PRSS54: variants seen among roughly 807,000 people sequenced by gnomAD.
The protein encoded by PRSS54 is serine protease 54.
Under a neutral mutation model 19.9 loss-of-function variants are expected in PRSS54, and 16 were observed. The ratio of observed to expected loss-of-function variants is 0.80; its 90% CI spans 0.54 to 1.22. The LOEUF (loss-of-function observed/expected upper bound fraction) is 1.22. Among genes scored for constraint, PRSS54 ranks in the 50% most tolerant of loss-of-function variants. The probability of loss-of-function intolerance (pLI) is 0.00; values close to 1 mark genes in which losing one functional copy is unlikely to be tolerated. For synonymous variants in PRSS54, 177 were observed against 195.8 expected (o/e 0.90, Z 0.80); for missense variants, 444 against 494.8 (o/e 0.90, Z 0.97).
At chr16:58,280,834 G>C (rs1404393570) in intron 6 of PRSS54, 77 bp from the exon 7 acceptor site, 1 of 1,352,598 alleles carries the variant, frequency 7.4e-7, no homozygotes, top group South Asian at 1.5e-5. Flanking sequence ...GCAATATACT[G>C]TTTGTTCTAG....
At chr16:58,290,819 C>A in intron 4 of PRSS54, 140 bp downstream of exon 4, 1 of 905,870 alleles carries the variant, frequency 1.1e-6, no homozygotes, top group Non-Finnish European at 1.6e-6. Flanking sequence ...GGGCTCACGA[C>A]AGAGCAAGCG....
chr16:58,292,343 A>AGTGAT (rs2142654351), intron 3 of PRSS54, among the ~76,000 whole-genome samples: 1 of 152,200 alleles, frequency 6.6e-6, no homozygotes, highest in East Asian at 1.9e-4. Flanking sequence ...CATGCTGAAG[A>AGTGAT]GTGATGGCCA....
intron 5 of PRSS54, among the ~76,000 whole-genome samples, 187 bp from the exon 6 acceptor site, chr16:58,284,908 G>A (rs1354216297): frequency 3.3e-5 from 5 of 151,506 alleles, no homozygotes; most frequent in Admixed American, 2.0e-4. Flanking sequence ...TCTGCCTTTC[G>A]GGTTCAAGCA....
chr16:58,284,844 T>A, intron 5 of PRSS54, 123 bp from the exon 6 acceptor site: 1 of 1,063,616 alleles, frequency 9.4e-7, no homozygotes, highest in Non-Finnish European at 1.3e-6. Context: ...AGTTGGAGTC[T>A]TGTTCTGTCA....
intron 1 of PRSS54, 137 bp from the exon 2 acceptor site, chr16:58,294,346 T>TTTTTA (rs769018989): frequency 1.9e-5 from 3 of 154,818 alleles, no homozygotes; most frequent in East Asian, 3.8e-4. Flanking sequence ...GTTTTTTTGT[T>TTTTTA]TTTTATTTTA....
chr16:58,289,800 C>T (rs1018358497), intron 4 of PRSS54, among the ~76,000 whole-genome samples: 1 of 151,980 alleles, frequency 6.6e-6, no homozygotes, highest in African/African-American at 2.4e-5. Flanking sequence ...CTCACGAGAA[C>T]TCCTGACCTC....
chr16:58,281,508 G>A lies in PRSS54; in HGVS notation c.655-751C>T, dbSNP rs117540929. 906 of 152,468 alleles carry A rather than the reference G, an allele frequency of 5.9e-3. 12 individuals are homozygous for A. The highest frequency in any genetic ancestry group is 0.056 in the East Asian group (292 of 5,184). 9.4% of individuals were successfully genotyped at this position (152,468 alleles called of 1,614,324 possible). On this transcript the variant is annotated intron_variant, in intron 6 of 6. Transcript: ENST00000567164. ...TGGGGAAAATGGGAAAAGCAACAAG[G>A]CAACTAGTAGGTATCACTTACCTTA...
chr16:58,293,797 A>G lies in PRSS54; in HGVS notation c.20T>C (p.Leu7Pro), dbSNP rs781139369. 5.3e-5 allele frequency: 85 copies of G among 1,612,776 alleles called. No individual in the cohort carries two copies. The highest frequency in any genetic ancestry group is 7.0e-5 in the Non-Finnish European group (82 of 1,179,574). Residue 7 changes from leucine (L) to proline (P), a missense_variant, in exon 3 of 7, where the codon CTC becomes CCC. Coordinates refer to ENST00000567164, the MANE Select transcript of PRSS54 (RefSeq NM_001305173.2). MVSAAG[L>P]SGDGKMRGVL... Reference sequence around the variant, plus strand: ...CCCTCGCATCTTGCCATCCCCAGAGAGACCCGCCGCGGACACCATGGGCAG... The same window carrying G: ...CCCTCGCATCTTGCCATCCCCAGAGGGACCCGCCGCGGACACCATGGGCAG...
In PRSS54 at chr16:58,286,091, T is replaced by C. The variant is rs746066063; in HGVS notation, c.368A>G (p.Asn123Ser). Residue 123 changes from asparagine (N) to serine (S), a missense_variant, in exon 5 of 7, where the codon AAC becomes AGC. Physicochemically the swap from Asn to Ser is conservative, Grantham distance 46. Transcript: ENST00000567164. ...GGCTATGTTGTTGCTCATGGAGTTGTTATCAAAGTCCTCATGGATGATGAT... is the reference window on the plus strand; with the variant it reads ...GGCTATGTTGTTGCTCATGGAGTTGCTATCAAAGTCCTCATGGATGATGAT... Reference protein sequence around the residue: ...NTIIIHEDFDNNSMSNNIALL... With the variant: ...NTIIIHEDFDSNSMSNNIALL... The C allele has an allele frequency of 6.2e-7, 1 of 1,614,102 alleles. No homozygotes were observed. Among genetic ancestry groups the C allele is most frequent in the Non-Finnish European group, 8.5e-7 (1 of 1,180,042 alleles).
chr16:58,282,557 A>G (rs1964793240), intron 6 of PRSS54: 1 of 152,394 alleles, frequency 6.6e-6, no homozygotes, highest in African/African-American at 2.4e-5. Context: ...CCATGCTGCA[A>G]AGCTGCCGTG....
intron 6 of PRSS54, chr16:58,280,972 T>C: frequency 1.8e-6 from 1 of 547,328 alleles, no homozygotes; most frequent in South Asian, 2.8e-5. Context: ...AGCTGTGGAC[T>C]TCTGCTGATT....
In PRSS54 at chr16:58,280,641, C is replaced by T. The variant is rs992736687; in HGVS notation, c.771G>A (p.Val257=). 4.3e-6 allele frequency: 7 copies of T among 1,614,054 alleles called. No homozygotes were observed. Among genetic ancestry groups the T allele is most frequent in the Non-Finnish European group, 5.9e-6 (7 of 1,180,042 alleles). Residue 257 remains valine, a synonymous_variant, in exon 7 of 7, where the codon GTG becomes GTA. Transcript: ENST00000567164. ...TCPGLFLYTK[V]EDYSKWITSK... ...ATGTGATCCATTTGCTGTAGTCTTC[C>T]ACCTTGGTGTACAGAAACAGGCCAG...
chr16:58,290,922 C>A, intron 4 of PRSS54, 37 bp downstream of exon 4: 1 of 1,607,774 alleles, frequency 6.2e-7, no homozygotes, highest in South Asian at 1.1e-5. Context: ...CCCTCACCCC[C>A]GGCGATGTTG....
chr16:58,291,161 C>CT, intron 3 of PRSS54, 25 bp from the exon 4 acceptor site: 1 of 1,609,456 alleles, frequency 6.2e-7, no homozygotes, highest in East Asian at 2.2e-5. Flanking sequence ...CGGGGCCTCA[C>CT]TGCCGGGGCA....
In PRSS54 at chr16:58,284,855, C is replaced by T. The variant is rs150049918; in HGVS notation, c.523-134G>A. 6.3e-4 allele frequency: 595 copies of T among 948,368 alleles called. 1 individual carries two copies. The East Asian group carries it at 0.013, about 21-fold the overall frequency. The allele number at this position is 948,368 out of a possible 1,614,324, so 58.7% of individuals were successfully genotyped here. A position where few individuals can be genotyped will look rare whatever the true frequency, so the allele number is the denominator to read the frequency against. ...TTTGAGTTGGAGTCTTGTTCTGTCA[C>T]GCAGGCTGGAGTACAGTGGTGTGAT... is the stretch of plus-strand genomic sequence containing the variant. On this transcript the variant is annotated intron_variant, in intron 5 of 6. Transcript: ENST00000567164.
intron 6 of PRSS54, 177 bp downstream of exon 6, chr16:58,284,413 G>A: frequency 1.6e-6 from 1 of 609,418 alleles, no homozygotes; most frequent in South Asian, 2.2e-5. Context: ...AGTTCATTCA[G>A]CAGATTTTTA....
Position 58,280,376 on chromosome 16 carries a change from AC to A in PRSS54, c.1035del (p.Arg345SerfsTer60). 2 of 1,614,044 alleles carry A rather than the reference AC, an allele frequency of 1.2e-6. No individual in the cohort carries two copies. Among genetic ancestry groups the A allele is most frequent in the Non-Finnish European group, 1.7e-6 (2 of 1,180,002 alleles). ...VREKDVKESG[R>X]SPEASVQPLY... ...AAGGGTTGTACAGACGCCTCAGGAG[AC>A]CTGCCTGATTCCTTTACATCCTTCT... On this transcript the variant is annotated frameshift_variant, in exon 7 of 7. Transcript: ENST00000567164. LOFTEE classifies it low-confidence loss of function (END_TRUNC).
At chr16:58,282,484 G>T (rs191308031) in intron 6 of PRSS54, 8 of 152,382 alleles carry the variant, frequency 5.2e-5, no homozygotes, top group Admixed American at 2.0e-4. Context: ...AGCCACACCA[G>T]AACAGAGATG....
chr16:58,286,367 C>A (rs1964922280), intron 4 of PRSS54, among the ~76,000 whole-genome samples, 172 bp from the exon 5 acceptor site: 1 of 152,154 alleles, frequency 6.6e-6, no homozygotes, highest in Non-Finnish European at 1.5e-5. Flanking sequence ...TTTTATGAAC[C>A]CCTAGGCTTG....
Sources: gnomAD v4.1 joint callset for allele counts (sites outside exome capture counted in the v4.1 genomes callset) on GRCh38, gnomAD v4.1.1 for gene constraint, MANE v1.5 for transcripts, NCBI Gene and HGNC (gene_info 2026-07-23, HGNC 2026-07-21) for gene names.